The following DACH2 variants were observed in gnomAD, a reference collection of about 807,000 sequenced individuals.
DACH2 encodes the protein dachshund family transcription factor 2, also known as dachshund homolog 2.
A neutral mutation model predicts 35.8 loss-of-function variants in DACH2; 17 were observed. The observed-to-expected ratio is 0.48, with a 90% CI of 0.33 to 0.71. The LOEUF is 0.71. DACH2 is among the 30% of genes least tolerant of loss of function. The pLI, the probability that DACH2 is intolerant of heterozygous loss-of-function variation, is 0.02. For synonymous variants in DACH2, 195 were observed against 177.3 expected (o/e 1.10, Z -0.79); for missense variants, 469 against 472.7 (o/e 0.99, Z 0.07).
chrX:86,481,764 A>G (rs1007626074), intron 2 of DACH2: 4 of 112,150 alleles, frequency 3.6e-5, no homozygotes, highest in Non-Finnish European at 7.5e-5. Flanking sequence ...TATCATGTAC[A>G]TTCCTAACTA....
chrX:86,321,037 C>A (rs1282310965), intron 1 of DACH2, among the ~76,000 whole-genome samples: 1 of 111,688 alleles, frequency 9.0e-6, no homozygotes, highest in Non-Finnish European at 1.9e-5. Flanking sequence ...AGGAAATGGG[C>A]TTAATCTTCT....
rs969866035 is a variant in DACH2, at chrX:86,300,451, G to A, written c.489-76373G>A. The stretch of plus-strand genomic sequence containing the variant: ...AAGGACAAAAAACCAAACACTGCAT[G>A]TTCTCACTCATAGGTGGGAATTGAA... On this transcript the variant is annotated intron_variant, in intron 1 of 11. Transcript: ENST00000373125. 1.1e-3 allele frequency among the ~76,000 whole-genome samples: 120 copies of A among 107,059 alleles called. 1 individual carries two copies. Among genetic ancestry groups the A allele is most frequent in the African/African-American group, 3.7e-3 (110 of 29,371 alleles). The allele number at this position is 107,059 out of a possible 115,157, so 93.0% of individuals were successfully genotyped here.
At position 86,773,529 on chromosome X, in the gene DACH2, T is replaced by C. The variant is rs185728600; in HGVS notation, c.1240+33647T>C. 1.4e-4 allele frequency among the ~76,000 whole-genome samples: 16 copies of C among 112,310 alleles called. No homozygotes were observed. The East Asian group carries it at 3.6e-3, about 26-fold the overall frequency. On this transcript the variant is annotated intron_variant, in intron 7 of 11. Coordinates refer to ENST00000373125, the MANE Select transcript of DACH2 (RefSeq NM_053281.3). ...AAATAATTGTTCATTTCCTTCAAAG[T>C]ATTTTTTACTATGGTGATGTGATCA...
In DACH2 at chrX:86,541,455, T is replaced by C. The variant is rs184311931; in HGVS notation, c.640+27064T>C. 1.3e-4 allele frequency among the ~76,000 whole-genome samples: 14 copies of C among 111,224 alleles called. No individual in the cohort carries two copies. The East Asian group carries it at 3.9e-3, about 31-fold the overall frequency. ...TTAACCTGGAATATATACATATTTATACAAATATAAGTTATTATAGAGGGC... is the reference window on the plus strand; with the variant it reads ...TTAACCTGGAATATATACATATTTACACAAATATAAGTTATTATAGAGGGC... On this transcript the variant is annotated intron_variant, in intron 3 of 11. Transcript: ENST00000373125.
At chrX:86,314,916 C>T (rs1025680083) in intron 1 of DACH2, among the ~76,000 whole-genome samples, 46 of 112,151 alleles carry the variant, frequency 4.1e-4, no homozygotes, top group Non-Finnish European at 7.3e-4. Flanking sequence ...TATAAAACAG[C>T]GAGGTGAAGC....
rs202192056 is a variant in DACH2 at position 86,376,151 on chromosome X, A to G, written c.489-673A>G. Among the ~76,000 whole-genome samples the G allele has an allele frequency of 6.4e-4, 61 of 95,772 alleles. 1 individual carries two copies. The highest frequency in any genetic ancestry group is 1.8e-3 in the African/African-American group (47 of 26,518). 83.2% of individuals were successfully genotyped at this position (95,772 alleles called of 115,157 possible). On this transcript the variant is annotated intron_variant, in intron 1 of 11. Transcript: ENST00000373125. The stretch of plus-strand genomic sequence containing the variant: ...TGTATGTATGACTGTGTGTGTGTGT[A>G]TGTGTGTGTGTGTGTGTGTGTGTGT...
chrX:86,602,886 C>A (rs1466563369), intron 3 of DACH2, among the ~76,000 whole-genome samples: 1 of 111,217 alleles, frequency 9.0e-6, no homozygotes, highest in Non-Finnish European at 1.9e-5. Flanking sequence ...TTTAAGAAAT[C>A]TTTGCCTAAT....
intron 2 of DACH2, among the ~76,000 whole-genome samples, chrX:86,450,398 TG>T (rs748431037): frequency 4.3e-3 from 476 of 111,421 alleles, no homozygotes; most frequent in Non-Finnish European, 6.8e-3. Flanking sequence ...GAAAAGGACA[TG>T]TTTTTTTTCT....
At chrX:86,534,297 T>G (rs2038765515) in intron 3 of DACH2, among the ~76,000 whole-genome samples, 1 of 111,791 alleles carries the variant, frequency 8.9e-6, no homozygotes. Flanking sequence ...AATTGGCCAT[T>G]TGTATTTGTC....
chrX:86,632,556 T>C (rs1019322251), intron 3 of DACH2, among the ~76,000 whole-genome samples: 2 of 109,511 alleles, frequency 1.8e-5, no homozygotes, highest in Non-Finnish European at 3.8e-5. Flanking sequence ...TTATGTTGAA[T>C]TCTAAGTTAA....
At chrX:86,376,907 C>A in intron 2 of DACH2, 45 bp downstream of exon 2, 1 of 563,290 alleles carries the variant, frequency 1.8e-6, no homozygotes, top group Non-Finnish European at 3.0e-6. Context: ...CTGAGAATGT[C>A]CTGGAGCCTG....
Position 86,353,718 on chromosome X carries a change from G to C in DACH2, c.489-23106G>C, listed in dbSNP as rs866186193. 5.4e-3 allele frequency among the ~76,000 whole-genome samples: 20 copies of C among 3,704 alleles called. 3 individuals are homozygous for C. Among genetic ancestry groups the C allele is most frequent in the African/African-American group, 0.049 (18 of 371 alleles). The allele number at this position is 3,704 out of a possible 115,157, so 3.2% of individuals were successfully genotyped here. Reference sequence around the variant, plus strand: ...GAATATTGGCCCCCACTCTCTTCTGGCTTGTAGGGTTTCTGCCGAGAGATC... The same window carrying C: ...GAATATTGGCCCCCACTCTCTTCTGCCTTGTAGGGTTTCTGCCGAGAGATC... On this transcript the variant is annotated intron_variant, in intron 1 of 11. Transcript: ENST00000373125.
intron 3 of DACH2, among the ~76,000 whole-genome samples, chrX:86,544,736 G>T (rs912668633): frequency 9.0e-5 from 10 of 111,479 alleles, no homozygotes; most frequent in African/African-American, 3.3e-4. Context: ...AACACAAACA[G>T]GTCTGCATAA....
intron 1 of DACH2, among the ~76,000 whole-genome samples, chrX:86,335,006 T>G (rs770361498): frequency 8.9e-6 from 1 of 112,342 alleles, no homozygotes; most frequent in South Asian, 3.7e-4. Flanking sequence ...CAACATTTAT[T>G]AAATACAGAA....
At chrX:86,466,762 C>A (rs767084870) in intron 2 of DACH2, among the ~76,000 whole-genome samples, 7 of 111,606 alleles carry the variant, frequency 6.3e-5, no homozygotes, top group Non-Finnish European at 1.3e-4. Flanking sequence ...TTCTTGACTT[C>A]TGTGCACTCA....
At chrX:86,298,975 G>A (rs1037432286) in intron 1 of DACH2, among the ~76,000 whole-genome samples, 5 of 112,137 alleles carry the variant, frequency 4.5e-5, no homozygotes, top group Middle Eastern at 4.6e-3. Flanking sequence ...CCTGTTCATT[G>A]GCTAAGAGGA....
chrX:86,581,376 T>A (rs778716662), intron 3 of DACH2, among the ~76,000 whole-genome samples: 2 of 109,438 alleles, frequency 1.8e-5, no homozygotes, highest in Non-Finnish European at 3.8e-5. Flanking sequence ...CATACCAATA[T>A]TAAACTTGAA....
rs1197279434 is a variant in DACH2 at position 86,599,478 on chromosome X, C to CT, written c.641-51555dup. Among the ~76,000 whole-genome samples, 5 of 83,409 alleles carry CT rather than the reference C, an allele frequency of 6.0e-5. No homozygotes were observed. The South Asian group carries it at 2.7e-3, about 45-fold the overall frequency. 72.4% of individuals were successfully genotyped at this position (83,409 alleles called of 115,157 possible). ...CCTTCCTTCCTTCTTTTCTTTCTTT[C>CT]TTTCTTTCTTTCTTTCTTTCTTTCT... is the stretch of plus-strand genomic sequence containing the variant. On this transcript the variant is annotated intron_variant, in intron 3 of 11. Transcript: ENST00000373125.
intron 2 of DACH2, among the ~76,000 whole-genome samples, chrX:86,430,526 G>A (rs1476246770): frequency 1.8e-5 from 2 of 112,232 alleles, no homozygotes; most frequent in East Asian, 2.8e-4. Context: ...GTGACAATGC[G>A]TTTCCAAATT....
Sources: allele counts gnomAD v4.1 joint callset (sites outside exome capture counted in the v4.1 genomes callset), GRCh38; gene constraint gnomAD v4.1.1; transcripts MANE v1.5; gene names NCBI Gene and HGNC (gene_info 2026-07-23, HGNC 2026-07-21).